Variants in ZNF791 observed in about 807,000 individuals in gnomAD.
ZNF791 encodes the protein zinc finger protein 791.
Under a neutral mutation model 11.5 loss-of-function variants are expected in ZNF791, and 4 were observed. The ratio of observed to expected loss-of-function variants is 0.35; its 90% CI spans 0.17 to 0.80. The LOEUF is 0.80. ZNF791 is among the 30% of genes least tolerant of loss of function. ZNF791 has a pLI of 0.53. For missense variants in ZNF791, 559 were observed against 699.4 expected (o/e 0.80, Z 2.26); for synonymous variants, 212 against 228.1 (o/e 0.93, Z 0.64).
intron 1 of ZNF791, among the ~76,000 whole-genome samples, chr19:12,621,766 TG>T (rs1396147209): frequency 1.6e-3 from 150 of 91,000 alleles, no homozygotes; most frequent in African/African-American, 4.0e-3. Context: ...GGGAGGGAGG[TG>T]GGGGGGGTCA....
chr19:12,626,491 C>T (rs2023430257), intron 3 of ZNF791, among the ~76,000 whole-genome samples: 1 of 151,192 alleles, frequency 6.6e-6, no homozygotes, highest in South Asian at 2.1e-4. Flanking sequence ...ACCATGTTGG[C>T]CAGGCTGGTC....
intron 1 of ZNF791, among the ~76,000 whole-genome samples, chr19:12,621,777 A>G (rs2023352128): frequency 5.5e-5 from 5 of 90,236 alleles, no homozygotes; most frequent in African/African-American, 8.5e-5. Context: ...GGGGGGGGTC[A>G]GCCCCCCCGC....
At position 12,633,445 on chromosome 19, in the gene ZNF791, A is replaced by G. The variant is rs926387731; in HGVS notation, c.*4185A>G. On this transcript the variant is annotated 3_prime_UTR_variant, in exon 4 of 4. Coordinates refer to ENST00000343325, the MANE Select transcript of ZNF791 (RefSeq NM_153358.3). ...GCCAGGCAGAAGTGAAGAAGACATT[A>G]GTCAGGTATTGGAACCCCACCATAC... 3 of 152,168 alleles carry G rather than the reference A, an allele frequency of 2.0e-5. No individual in the cohort carries two copies. Among genetic ancestry groups the G allele is most frequent in the African/African-American group, 7.2e-5 (3 of 41,438 alleles). 9.4% of individuals were successfully genotyped at this position (152,168 alleles called of 1,614,324 possible). A position where few individuals can be genotyped will look rare whatever the true frequency, so the allele number is the denominator to read the frequency against.
At chr19:12,614,898 T>TTTTTTTTC (rs2023220006) in intron 1 of ZNF791, among the ~76,000 whole-genome samples, 1 of 109,228 alleles carries the variant, frequency 9.2e-6, no homozygotes, top group Non-Finnish European at 1.8e-5. Flanking sequence ...CGGCCTTTTT[T>TTTTTTTTC]TTTTTTTTTT....
rs545667952 is a variant in ZNF791, at chr19:12,613,756, A to G, written c.3+2674A>G. On this transcript the variant is annotated intron_variant, in intron 1 of 3. Transcript: ENST00000343325. The stretch of plus-strand genomic sequence containing the variant: ...TGGTTCTTCCTGGGGAGCCTCCCCT[A>G]CAGGTCTGCCAGCTACTCATATGCC... Among the ~76,000 whole-genome samples, 13 of 152,202 alleles carry G rather than the reference A, an allele frequency of 8.5e-5. No homozygotes were observed. In the East Asian group the frequency reaches 2.5e-3, roughly 29 times the overall value.
At chr19:12,622,374 T>C (rs945338142) in intron 1 of ZNF791, among the ~76,000 whole-genome samples, 14 of 31,638 alleles carry the variant, frequency 4.4e-4, no homozygotes, top group Non-Finnish European at 2.1e-4. Context: ...AAAAAAATAA[T>C]AAATAAAAAA....
intron 1 of ZNF791, among the ~76,000 whole-genome samples, chr19:12,618,282 G>T (rs7257939): frequency 0.51 from 76,928 of 151,912 alleles, 22,349 homozygotes; most frequent in Non-Finnish European, 0.67. Context: ...CATTTAATGA[G>T]TATTAATGGA....
At chr19:12,615,880 C>G (rs2023238349) in intron 1 of ZNF791, among the ~76,000 whole-genome samples, 1 of 151,884 alleles carries the variant, frequency 6.6e-6, no homozygotes. Flanking sequence ...TATGAAGAAA[C>G]CTCCTGTAAA....
intron 2 of ZNF791, 29 bp downstream of exon 2, chr19:12,623,855 CTTT>C (rs66469937): frequency 3.3e-3 from 1,658 of 505,232 alleles, no homozygotes; most frequent in Middle Eastern, 8.0e-3. Flanking sequence ...TTTCTTTTTT[CTTT>C]TTTTTTTTTT....
chr19:12,619,156 T>G (rs1489565062), intron 1 of ZNF791, among the ~76,000 whole-genome samples: 7 of 152,026 alleles, frequency 4.6e-5, no homozygotes, highest in African/African-American at 1.7e-4. Context: ...CCTCTCAGTA[T>G]ATTTCTCATA....
At chr19:12,624,874 C>G (rs2023403643) in intron 3 of ZNF791, among the ~76,000 whole-genome samples, 164 bp downstream of exon 3, 1 of 151,622 alleles carries the variant, frequency 6.6e-6, no homozygotes, top group Non-Finnish European at 1.5e-5. Context: ...ATGATGAAAC[C>G]CCGTCTCTAC....
chr19:12,628,552 A>G lies in ZNF791; in HGVS notation c.1023A>G (p.Pro341=). 1.2e-6 allele frequency: 2 copies of G among 1,601,320 alleles called. No homozygotes were observed. The highest frequency in any genetic ancestry group is 1.7e-6 in the Non-Finnish European group (2 of 1,174,056). Residue 341 remains proline, a synonymous_variant, in exon 4 of 4, where the codon CCA becomes CCG. Transcript: ENST00000343325. ...GTGGGAAATCTTTCAGTGCACGCCC[A>G]GCCTTTCGAGTACACGTGAGAGTGC... The part of the protein sequence containing the change: ...KECGKSFSAR[P]AFRVHVRVHT...
In ZNF791 at chr19:12,633,101, A is replaced by G. The variant is rs1186910470; in HGVS notation, c.*3841A>G. ...CAGAACGAGACTCCATCTCAAATAAATAAATAAATAAAATGAATTTCAGCT... is the reference window on the plus strand; with the variant it reads ...CAGAACGAGACTCCATCTCAAATAAGTAAATAAATAAAATGAATTTCAGCT... On this transcript the variant is annotated 3_prime_UTR_variant, in exon 4 of 4. Transcript: ENST00000343325. 6.6e-6 allele frequency: 1 copy of G among 152,236 alleles called. No individual in the cohort carries two copies. The highest frequency in any genetic ancestry group is 2.4e-5 in the African/African-American group (1 of 41,464). 9.4% of individuals were successfully genotyped at this position (152,236 alleles called of 1,614,324 possible).
intron 1 of ZNF791, among the ~76,000 whole-genome samples, chr19:12,613,587 A>C (rs2023195395): frequency 6.6e-6 from 1 of 151,356 alleles, no homozygotes; most frequent in African/African-American, 2.4e-5. Context: ...TCTCAAAACA[A>C]AAAAAAAATT....
At chr19:12,627,176 G>A (rs1322452337) in intron 3 of ZNF791, among the ~76,000 whole-genome samples, 1 of 148,572 alleles carries the variant, frequency 6.7e-6, no homozygotes, top group Non-Finnish European at 1.5e-5. Context: ...GTGAGACTCT[G>A]TCTCAAAATG....
chr19:12,627,402 A>G (rs1409455117), intron 3 of ZNF791, among the ~76,000 whole-genome samples: 1 of 152,128 alleles, frequency 6.6e-6, no homozygotes, highest in Non-Finnish European at 1.5e-5. Context: ...CAAGGCGGGC[A>G]GATCACTTGA....
At position 12,629,892 on chromosome 19, in the gene ZNF791, C is replaced by T. The variant is rs1393443383; in HGVS notation, c.*632C>T. On this transcript the variant is annotated 3_prime_UTR_variant, in exon 4 of 4. Coordinates refer to ENST00000343325, the MANE Select transcript of ZNF791 (RefSeq NM_153358.3). ...AAAAAAAAAAAAAAAAAGTACAACACAGCTGGGCATGGTCACACCTGTGAT... is the reference window on the plus strand; with the variant it reads ...AAAAAAAAAAAAAAAAAGTACAACATAGCTGGGCATGGTCACACCTGTGAT... 6.7e-6 allele frequency: 1 copy of T among 148,842 alleles called. No homozygotes were observed. Among genetic ancestry groups the T allele is most frequent in the African/African-American group, 2.5e-5 (1 of 40,222 alleles). The allele number at this position is 148,842 out of a possible 1,614,324, so 9.2% of individuals were successfully genotyped here.
At chr19:12,623,104 A>G (rs1278118925) in intron 1 of ZNF791, among the ~76,000 whole-genome samples, 1 of 152,124 alleles carries the variant, frequency 6.6e-6, no homozygotes, top group African/African-American at 2.4e-5. Context: ...CAAACAAGAA[A>G]TAAGAATTTA....
intron 1 of ZNF791, among the ~76,000 whole-genome samples, chr19:12,616,317 G>T (rs777314845): frequency 5.3e-5 from 8 of 152,156 alleles, no homozygotes; most frequent in Non-Finnish European, 7.3e-5. Flanking sequence ...TTGGAGGCAG[G>T]CATGGTGGTA....
Sources: gnomAD v4.1 joint callset for allele counts (sites outside exome capture counted in the v4.1 genomes callset) on GRCh38, gnomAD v4.1.1 for gene constraint, MANE v1.5 for transcripts, NCBI Gene and HGNC (gene_info 2026-07-23, HGNC 2026-07-21) for gene names.